PRKACB: variants seen among roughly 807,000 people sequenced by gnomAD.
PRKACB encodes cAMP-dependent protein kinase catalytic subunit beta.
A neutral mutation model predicts 51.4 loss-of-function variants in PRKACB; 16 were observed. The ratio of observed to expected loss-of-function variants is 0.31; its 90% CI spans 0.21 to 0.47. The LOEUF is 0.47. Ranked by LOEUF, PRKACB falls within the 20% of genes least tolerant of loss-of-function variation. The pLI, the probability that PRKACB is intolerant of heterozygous loss-of-function variation, is 1.00. For synonymous variants in PRKACB, 147 were observed against 154.4 expected (o/e 0.95, Z 0.35); for missense variants, 309 against 464.5 (o/e 0.67, Z 3.08).
intron 1 of PRKACB, among the ~76,000 whole-genome samples, chr1:84,165,537 G>C (rs1657143404): frequency 6.6e-6 from 1 of 151,756 alleles, no homozygotes; most frequent in African/African-American, 2.4e-5. Context: ...GAAATAATTA[G>C]AGCATTTTGG....
At chr1:84,082,880 A>C (rs542382510) in intron 1 of PRKACB, among the ~76,000 whole-genome samples, 11 of 152,168 alleles carry the variant, frequency 7.2e-5, no homozygotes, top group Non-Finnish European at 1.6e-4. Context: ...TTATTTGTGG[A>C]TCCTTACAAG....
chr1:84,198,804 T>G (rs1303470898), intron 7 of PRKACB, among the ~76,000 whole-genome samples: 1 of 149,878 alleles, frequency 6.7e-6, no homozygotes, highest in Non-Finnish European at 1.5e-5. Context: ...AGACGCAGCC[T>G]TTTTAAAAAC....
intron 7 of PRKACB, among the ~76,000 whole-genome samples, chr1:84,199,172 T>A (rs1452662063): frequency 6.6e-6 from 1 of 150,572 alleles, no homozygotes; most frequent in Admixed American, 6.7e-5. Context: ...TCATTTTAGG[T>A]TCAGGGATAC....
chr1:84,183,311 C>G (rs1440835169), intron 3 of PRKACB, among the ~76,000 whole-genome samples: 1 of 151,944 alleles, frequency 6.6e-6, no homozygotes, highest in Non-Finnish European at 1.5e-5. Context: ...AGATAAATTA[C>G]TTTCCCCTTC....
chr1:84,232,873 C>T (rs12139513), intron 9 of PRKACB, among the ~76,000 whole-genome samples: 1 of 152,048 alleles, frequency 6.6e-6, no homozygotes, highest in Non-Finnish European at 1.5e-5. Flanking sequence ...TCCAATTTGC[C>T]AAGTCTGTGT....
upstream of PRKACB, among the ~76,000 whole-genome samples, chr1:84,140,507 A>C (rs1469058937): frequency 6.6e-6 from 1 of 152,210 alleles, no homozygotes; most frequent in Non-Finnish European, 1.5e-5. Flanking sequence ...TGTCCTCTAC[A>C]TGGAGCACAT....
intron 1 of PRKACB, among the ~76,000 whole-genome samples, chr1:84,079,840 AT>A (rs1647386661): frequency 6.6e-6 from 1 of 152,014 alleles, no homozygotes; most frequent in African/African-American, 2.4e-5. Context: ...TAATTTTTGT[AT>A]TTTTAGTAGA....
chr1:84,155,351 C>T (rs1201052142), intron 1 of PRKACB, among the ~76,000 whole-genome samples: 2 of 152,094 alleles, frequency 1.3e-5, no homozygotes, highest in African/African-American at 4.8e-5. Flanking sequence ...AACTGTAAGG[C>T]ATTTATGAAA....
rs1054460894 is a variant in PRKACB, at chr1:84,235,413, C to T, written c.*108C>T. 13 of 1,439,602 alleles carry T rather than the reference C, an allele frequency of 9.0e-6. No individual in the cohort carries two copies. The highest frequency in any genetic ancestry group is 4.3e-5 in the African/African-American group (3 of 69,704). 89.2% of individuals were successfully genotyped at this position (1,439,602 alleles called of 1,614,324 possible). A position where few individuals can be genotyped will look rare whatever the true frequency, so the allele number is the denominator to read the frequency against. ...GAAGCAGTTACCTAGTTCCTTCATTCCAACGACTGAGTGAGGTCTTTATTG... is the reference window on the plus strand; with the variant it reads ...GAAGCAGTTACCTAGTTCCTTCATTTCAACGACTGAGTGAGGTCTTTATTG... On this transcript the variant is annotated 3_prime_UTR_variant, in exon 10 of 10. Transcript: ENST00000370685.
At chr1:84,092,688 G>A (rs1442445244) in intron 1 of PRKACB, among the ~76,000 whole-genome samples, 2 of 152,092 alleles carry the variant, frequency 1.3e-5, no homozygotes, top group African/African-American at 2.4e-5. Flanking sequence ...CAGATTGGTT[G>A]AACCTGTTTC....
intron 1 of PRKACB, among the ~76,000 whole-genome samples, chr1:84,101,523 G>A (rs568856861): frequency 6.6e-6 from 1 of 152,226 alleles, no homozygotes; most frequent in South Asian, 2.1e-4. Flanking sequence ...GCCAGAAATG[G>A]AACTTCCTAC....
chr1:84,234,482 C>G (rs1264596253), intron 9 of PRKACB, among the ~76,000 whole-genome samples: 1 of 152,140 alleles, frequency 6.6e-6, no homozygotes, highest in African/African-American at 2.4e-5. Context: ...CCTAAGCAAG[C>G]CTGGGCAATG....
At chr1:84,224,455 G>A (rs1049944837) in intron 9 of PRKACB, among the ~76,000 whole-genome samples, 6 of 152,210 alleles carry the variant, frequency 3.9e-5, no homozygotes, top group African/African-American at 1.2e-4. Context: ...AGTGATGGTA[G>A]CAACAGATTG....
At chr1:84,202,889 T>C in intron 8 of PRKACB, 84 bp downstream of exon 8, 1 of 1,192,516 alleles carries the variant, frequency 8.4e-7, no homozygotes, top group Non-Finnish European at 1.1e-6. Flanking sequence ...TGTGTCATAA[T>C]TATTATTCTA....
At chr1:84,083,285 A>G (rs770085325) in intron 1 of PRKACB, among the ~76,000 whole-genome samples, 12 of 152,210 alleles carry the variant, frequency 7.9e-5, no homozygotes, top group African/African-American at 2.2e-4. Flanking sequence ...CAGTTATGCA[A>G]TTTTGATGAT....
intron 5 of PRKACB, among the ~76,000 whole-genome samples, chr1:84,194,902 G>A (rs1465739369): frequency 6.6e-6 from 1 of 152,034 alleles, no homozygotes; most frequent in Non-Finnish European, 1.5e-5. Context: ...CAGCACTCCA[G>A]CCTGGTGACA....
At chr1:84,180,206 A>ATATATATATG (rs1553173784) in intron 2 of PRKACB, among the ~76,000 whole-genome samples, 8 of 127,148 alleles carry the variant, frequency 6.3e-5, no homozygotes, top group African/African-American at 2.2e-4. Flanking sequence ...ATATATATAT[A>ATATATATATG]TATGTATGAT....
chr1:84,085,235 A>G (rs999464852), intron 1 of PRKACB, among the ~76,000 whole-genome samples: 1 of 152,220 alleles, frequency 6.6e-6, no homozygotes, highest in Non-Finnish European at 1.5e-5. Flanking sequence ...TAGCACCAAC[A>G]TCTATTATGT....
At chr1:84,169,260 A>G (rs1658577288) in intron 1 of PRKACB, among the ~76,000 whole-genome samples, 1 of 151,688 alleles carries the variant, frequency 6.6e-6, no homozygotes, top group Admixed American at 6.6e-5. Flanking sequence ...ACAAAAAATT[A>G]TAGATGCCAT....
Sources: allele counts gnomAD v4.1 joint callset (sites outside exome capture counted in the v4.1 genomes callset), GRCh38; gene constraint gnomAD v4.1.1; transcripts MANE v1.5; gene names NCBI Gene and HGNC (gene_info 2026-07-23, HGNC 2026-07-21).